PKHD1: variants seen among roughly 807,000 people sequenced by gnomAD.
The protein encoded by PKHD1 is fibrocystin.
A neutral mutation model predicts 412.0 loss-of-function variants in PKHD1; 291 were observed. The observed-to-expected ratio is 0.71, with a 90% CI of 0.64 to 0.78. The LOEUF (loss-of-function observed/expected upper bound fraction) is 0.78, where lower values mean the gene tolerates loss of function less well. Among genes scored for constraint, PKHD1 ranks in the 30% least tolerant of loss-of-function variants. PKHD1 has a pLI of 0.00. For missense variants in PKHD1, 4,825 were observed against 4,950.7 expected (o/e 0.97, Z 0.76); for synonymous variants, 1,777 against 1,821.5 (o/e 0.98, Z 0.62).
intron 65 of PKHD1, among the ~76,000 whole-genome samples, chr6:51,627,793 T>A (rs1767450851): frequency 6.6e-6 from 1 of 152,274 alleles, no homozygotes; most frequent in East Asian, 1.9e-4. Context: ...GAAGATTGTA[T>A]ATCTTCAGTC....
chr6:52,016,601 A>G (rs996339115), intron 34 of PKHD1, among the ~76,000 whole-genome samples: 4 of 147,280 alleles, frequency 2.7e-5, no homozygotes, highest in African/African-American at 7.6e-5. Flanking sequence ...ATGCCATTGC[A>G]CTCCAGCCTT....
intron 37 of PKHD1, among the ~76,000 whole-genome samples, chr6:51,927,809 G>T (rs924629295): frequency 6.6e-6 from 1 of 152,136 alleles, no homozygotes; most frequent in Non-Finnish European, 1.5e-5. Context: ...CTGGATAGCT[G>T]AATTGTAGGG....
intron 55 of PKHD1, among the ~76,000 whole-genome samples, chr6:51,762,010 C>T (rs1467184664): frequency 6.6e-6 from 1 of 151,990 alleles, no homozygotes; most frequent in East Asian, 1.9e-4. Context: ...GGAGTCATGT[C>T]ACTTCTGTCT....
At chr6:51,702,865 T>G (rs1400839829) in intron 60 of PKHD1, among the ~76,000 whole-genome samples, 2 of 149,206 alleles carry the variant, frequency 1.3e-5, no homozygotes, top group African/African-American at 4.9e-5. Flanking sequence ...AAATTTTTTC[T>G]GGGATTCAGA....
chr6:51,786,648 C>T (rs902661688), intron 53 of PKHD1, among the ~76,000 whole-genome samples: 3 of 152,154 alleles, frequency 2.0e-5, no homozygotes, highest in Admixed American at 6.6e-5. Flanking sequence ...TACCTGTTCA[C>T]ATCTCTTCCT....
chr6:52,074,383 G>A (rs543720627), intron 6 of PKHD1, among the ~76,000 whole-genome samples: 3 of 152,270 alleles, frequency 2.0e-5, no homozygotes, highest in Admixed American at 2.0e-4. Context: ...TAGGTGCATG[G>A]GTAGAATGAC....
At chr6:51,655,245 A>G (rs1771620403) in intron 61 of PKHD1, among the ~76,000 whole-genome samples, 1 of 152,120 alleles carries the variant, frequency 6.6e-6, no homozygotes, top group African/African-American at 2.4e-5. Flanking sequence ...TGATAGAAAG[A>G]TTCTACTCTT....
intron 36 of PKHD1, among the ~76,000 whole-genome samples, chr6:51,944,280 C>G (rs2499467): frequency 0.7 from 105,694 of 150,430 alleles, 37,618 homozygotes; most frequent in East Asian, 0.94. Context: ...TTTTCCTTTA[C>G]CTCCCCAAAT....
rs1795975407 is a variant in PKHD1 at position 51,984,520 on chromosome 6, G to T, written c.5752-24494C>A. 2.0e-5 allele frequency among the ~76,000 whole-genome samples: 3 copies of T among 152,216 alleles called. No homozygotes were observed. In the South Asian group the frequency reaches 6.2e-4, roughly 32 times the overall value. ...TCTAAAATTTATTAAAACAAAGAGG[G>T]AGCATTATTTTGAATCTCATGCCAC... is the stretch of plus-strand genomic sequence containing the variant. On this transcript the variant is annotated intron_variant, in intron 35 of 66. Coordinates refer to ENST00000371117, the MANE Select transcript of PKHD1 (RefSeq NM_138694.4).
intron 57 of PKHD1, among the ~76,000 whole-genome samples, chr6:51,750,353 G>A (rs1272777734): frequency 6.6e-6 from 1 of 152,144 alleles, no homozygotes; most frequent in Non-Finnish European, 1.5e-5. Context: ...TAGAACTTTG[G>A]CACAAAGAAC....
chr6:51,783,410 T>A (rs1288795418), intron 53 of PKHD1, among the ~76,000 whole-genome samples: 1 of 148,984 alleles, frequency 6.7e-6, no homozygotes, highest in Non-Finnish European at 1.5e-5. Flanking sequence ...ATTTATTTTA[T>A]ATTATTTTAA....
chr6:51,871,662 C>T lies in PKHD1; in HGVS notation c.7351-1023G>A, dbSNP rs1029168876. On this transcript the variant is annotated intron_variant, in intron 46 of 66. Coordinates refer to ENST00000371117, the MANE Select transcript of PKHD1 (RefSeq NM_138694.4). ...ACTGTACATCAAAAAGTCAGTTTTG[C>T]TGTATATTAATATATTTTAAAAACT... Among the ~76,000 whole-genome samples the T allele has an allele frequency of 3.4e-5, 4 of 117,980 alleles. 2 individuals carry two copies. Among genetic ancestry groups the T allele is most frequent in the African/African-American group, 1.1e-4 (4 of 36,386 alleles). 77.4% of individuals were successfully genotyped at this position (117,980 alleles called of 152,430 possible).
intron 53 of PKHD1, among the ~76,000 whole-genome samples, chr6:51,776,668 T>A (rs1320117805): frequency 2.6e-5 from 4 of 152,080 alleles, no homozygotes; most frequent in African/African-American, 9.6e-5. Context: ...CTTGTCTAAA[T>A]TGATCCAACT....
At chr6:51,668,431 T>A (rs1429813480) in intron 60 of PKHD1, among the ~76,000 whole-genome samples, 1 of 152,228 alleles carries the variant, frequency 6.6e-6, no homozygotes, top group African/African-American at 2.4e-5. Flanking sequence ...CTTATCAGCT[T>A]AAGGAGATTT....
At chr6:51,870,773 C>T in intron 46 of PKHD1, 134 bp from the exon 47 acceptor site, 1 of 688,440 alleles carries the variant, frequency 1.5e-6, no homozygotes, top group South Asian at 1.8e-5. Context: ...GCCAATCACA[C>T]ATATGACAAA....
At chr6:51,845,545 G>A (rs1202290290) in intron 50 of PKHD1, among the ~76,000 whole-genome samples, 1 of 152,204 alleles carries the variant, frequency 6.6e-6, no homozygotes. Context: ...ATTCAAAGGA[G>A]GAGATACTAG....
chr6:51,766,382 A>T (rs953329623), intron 55 of PKHD1, among the ~76,000 whole-genome samples: 5 of 152,128 alleles, frequency 3.3e-5, no homozygotes, highest in Admixed American at 6.6e-5. Flanking sequence ...CTAGGCTAGT[A>T]TGTAAGATTA....
At chr6:51,723,493 A>G (rs1582287671) in intron 60 of PKHD1, among the ~76,000 whole-genome samples, 2 of 152,342 alleles carry the variant, frequency 1.3e-5, no homozygotes, top group Non-Finnish European at 2.9e-5. Flanking sequence ...ATACCATAAG[A>G]CTATTGACTA....
At chr6:51,639,208 T>C (rs541777512) in intron 63 of PKHD1, among the ~76,000 whole-genome samples, 1 of 152,164 alleles carries the variant, frequency 6.6e-6, no homozygotes, top group African/African-American at 2.4e-5. Flanking sequence ...GCCTACAAAC[T>C]ACACAACAAC....
Sources: allele counts gnomAD v4.1 joint callset (sites outside exome capture counted in the v4.1 genomes callset), GRCh38; gene constraint gnomAD v4.1.1; transcripts MANE v1.5; gene names NCBI Gene and HGNC (gene_info 2026-07-23, HGNC 2026-07-21).